GCDH: variants seen among roughly 807,000 people sequenced by gnomAD.
GCDH encodes glutaryl-CoA dehydrogenase, mitochondrial.
GCDH carries 31 observed loss-of-function variants against 52.8 expected under a neutral mutation model. The ratio of observed to expected loss-of-function variants is 0.59; its 90% CI spans 0.44 to 0.79. The LOEUF is 0.79. Ranked by LOEUF, GCDH falls within the 30% of genes least tolerant of loss-of-function variation. The probability of loss-of-function intolerance (pLI) is 0.00; values close to 1 mark genes in which losing one functional copy is unlikely to be tolerated. For synonymous variants in GCDH, 242 were observed against 250.0 expected (o/e 0.97, Z 0.30); for missense variants, 509 against 595.0 (o/e 0.86, Z 1.50).
At position 12,892,178 on chromosome 19, in the gene GCDH, G is replaced by A. The variant is rs758137643; in HGVS notation, c.334G>A (p.Gly112Arg). ...ELGVLGPTIKGYGCAGVSSVA... is the reference protein window; with the variant it reads ...ELGVLGPTIKRYGCAGVSSVA... Reference sequence around the variant, plus strand: ...GGGTGTGCTGGGCCCCACCATCAAAGGTAGGAACAAGTATCTCTCCACACA... The same window carrying A: ...GGGTGTGCTGGGCCCCACCATCAAAAGTAGGAACAAGTATCTCTCCACACA... The change falls in exon 5 of 12, where the codon GGA (glycine) becomes AGA (arginine). Residue 112 changes from glycine (G) to arginine (R), a missense_variant and splice_region_variant. Physicochemically the swap from Gly to Arg is moderately radical, Grantham distance 125 (BLOSUM62 -2). Coordinates refer to ENST00000222214, the MANE Select transcript of GCDH (RefSeq NM_000159.4). 1 of 1,613,416 alleles carries A rather than the reference G, an allele frequency of 6.2e-7. No homozygotes were observed. The highest frequency in any genetic ancestry group is 8.5e-7 in the Non-Finnish European group (1 of 1,179,376).
At chr19:12,892,321 T>A (rs1353551248) in intron 5 of GCDH, 143 bp downstream of exon 5, 9 of 796,840 alleles carry the variant, frequency 1.1e-5, no homozygotes, top group Non-Finnish European at 1.9e-5. Flanking sequence ...CAACAGAGTC[T>A]GGCTCTGTTG....
At chr19:12,894,391 A>G in intron 6 of GCDH, 1 of 756,390 alleles carries the variant, frequency 1.3e-6, no homozygotes, top group Non-Finnish European at 2.5e-6. Context: ...TTACAGACCA[A>G]GGAGAACTGG....
intron 11 of GCDH, chr19:12,898,423 A>AT (rs1443938449): frequency 1.3e-5 from 2 of 150,726 alleles, no homozygotes; most frequent in Non-Finnish European, 2.9e-5. Context: ...AGGTATGAGG[A>AT]CCCCCCGGGC....
chr19:12,895,933 T>C (rs1970664641), intron 6 of GCDH, 59 bp from the exon 7 acceptor site: 1 of 1,607,932 alleles, frequency 6.2e-7, no homozygotes, highest in Non-Finnish European at 8.5e-7. Context: ...AGGATAATTT[T>C]TGAGTAAGGG....
rs765083035 is a variant in GCDH at position 12,892,310 on chromosome 19, C to T, written c.334+132C>T. On this transcript the variant is annotated intron_variant, in intron 5 of 11. Coordinates refer to ENST00000222214, the MANE Select transcript of GCDH (RefSeq NM_000159.4). ...CTTTTCTTTCCTTTCTTCTTCCCCCCCAACAGAGTCTGGCTCTGTTGCCCA... is the reference window on the plus strand; with the variant it reads ...CTTTTCTTTCCTTTCTTCTTCCCCCTCAACAGAGTCTGGCTCTGTTGCCCA... 1.3e-5 allele frequency: 11 copies of T among 865,038 alleles called. No homozygotes were observed. In the East Asian group the frequency reaches 2.1e-4, roughly 17 times the overall value. The allele number at this position is 865,038 out of a possible 1,614,324, so 53.6% of individuals were successfully genotyped here.
At chr19:12,894,289 A>T (rs1449832179) in intron 6 of GCDH, 1 of 844,878 alleles carries the variant, frequency 1.2e-6, no homozygotes. Context: ...GGTCGGAATC[A>T]GTGGTGGGAA....
At position 12,896,235 on chromosome 19, in the gene GCDH, T is replaced by C. The variant is rs1970675528; in HGVS notation, c.666T>C (p.Phe222=). ...CGAACTCGCCTATGGCCGATCTGTTTGTAGTGTGGGCTCGGTGTGAAGATG... is the reference window on the plus strand; with the variant it reads ...CGAACTCGCCTATGGCCGATCTGTTCGTAGTGTGGGCTCGGTGTGAAGATG... ...WITNSPMADL[F]VVWARCEDGC... Residue 222 remains phenylalanine (F), a synonymous_variant, in exon 8 of 12, where the codon TTT becomes TTC. Coordinates refer to ENST00000222214, the MANE Select transcript of GCDH (RefSeq NM_000159.4). The surrounding 1 kb of genome is among the most constrained non-coding windows in gnomAD (Gnocchi z 5.5). 2 of 1,613,898 alleles carry C rather than the reference T, an allele frequency of 1.2e-6. No homozygotes were observed. The highest frequency in any genetic ancestry group is 2.2e-5 in the South Asian group (2 of 91,080).
At position 12,894,347 on chromosome 19, in the gene GCDH, G is replaced by C. The variant is rs145802714; in HGVS notation, c.505+694G>C. On this transcript the variant is annotated intron_variant, in intron 6 of 11. Coordinates refer to ENST00000222214, the MANE Select transcript of GCDH (RefSeq NM_000159.4). ...AAACAGGGTGTCTTGACCCATGGCCGTGTCCACTTGCTACTGAGTAAGGGG... is the reference window on the plus strand; with the variant it reads ...AAACAGGGTGTCTTGACCCATGGCCCTGTCCACTTGCTACTGAGTAAGGGG... 37 of 767,608 alleles carry C rather than the reference G, an allele frequency of 4.8e-5. No individual in the cohort carries two copies. The African/African-American group carries it at 5.6e-4, about 12-fold the overall frequency. 47.5% of individuals were successfully genotyped at this position (767,608 alleles called of 1,614,324 possible).
intron 10 of GCDH, 134 bp downstream of exon 10, chr19:12,897,562 T>C (rs1324493450): frequency 3.5e-6 from 5 of 1,430,214 alleles, no homozygotes; most frequent in African/African-American, 2.8e-5. Flanking sequence ...TTGTCCTTGA[T>C]GGGCTGGGCT....
At position 12,897,122 on chromosome 19, in the gene GCDH, G is replaced by A. The variant is rs566897284; in HGVS notation, c.956+109G>A. The A allele has an allele frequency of 2.3e-5, 27 of 1,190,742 alleles. No homozygotes were observed. The South Asian group carries it at 3.4e-4, about 15-fold the overall frequency. The allele number at this position is 1,190,742 out of a possible 1,614,324, so 73.8% of individuals were successfully genotyped here. A position where few individuals can be genotyped will look rare whatever the true frequency, so the allele number is the denominator to read the frequency against. On this transcript the variant is annotated intron_variant, in intron 9 of 11. Transcript: ENST00000222214. ...CCCACCCACCAGGCCTGAGTTCCTT[G>A]CTCTGGAATGACCAGTGACGTCCTT...
chr19:12,897,455 G>A, intron 10 of GCDH, 27 bp downstream of exon 10: 2 of 1,610,668 alleles, frequency 1.2e-6, no homozygotes, highest in Non-Finnish European at 1.7e-6. Flanking sequence ...GGGGGCGGGG[G>A]GATGGCAGCG....
intron 6 of GCDH, chr19:12,893,873 T>A: frequency 1.6e-6 from 1 of 629,532 alleles, no homozygotes; most frequent in Admixed American, 2.4e-5. Context: ...ATGCTTTCTG[T>A]GTTCCCCAGT....
intron 11 of GCDH, chr19:12,899,250 C>A: frequency 8.3e-7 from 1 of 1,203,362 alleles, no homozygotes; most frequent in Non-Finnish European, 1.2e-6. Flanking sequence ...ATTATAGAAC[C>A]ATGAAAAACA....
chr19:12,892,949 G>C (rs984395271), intron 5 of GCDH, among the ~76,000 whole-genome samples: 1 of 149,190 alleles, frequency 6.7e-6, no homozygotes, highest in Non-Finnish European at 1.5e-5. Flanking sequence ...ACAGTGGTGC[G>C]ATCCTGGCTC....
intron 11 of GCDH, chr19:12,898,849 C>T (rs2145957558): frequency 1.1e-5 from 2 of 176,756 alleles, no homozygotes. Context: ...AGGCTACAAT[C>T]TGCCTTCTGC....
At chr19:12,892,862 C>T (rs537105130) in intron 5 of GCDH, among the ~76,000 whole-genome samples, 13 of 150,530 alleles carry the variant, frequency 8.6e-5, no homozygotes, top group African/African-American at 3.2e-4. Context: ...TGTGAGCCAC[C>T]GTTGCCCGGC....
In GCDH at chr19:12,892,171, CATCA is replaced by C. The variant is rs1555749434; in HGVS notation, c.329_332del (p.Ile110LysfsTer31). On this transcript the variant is annotated frameshift_variant, in exon 5 of 12. Transcript: ENST00000222214. LOFTEE classifies it high-confidence loss of function. ...GGGAGTTGGGTGTGCTGGGCCCCAC[CATCA>C]AAGGTAGGAACAAGTATCTCTCCAC... 1.2e-6 allele frequency: 2 copies of C among 1,613,828 alleles called. No individual in the cohort carries two copies. Among genetic ancestry groups the C allele is most frequent in the Admixed American group, 3.3e-5 (2 of 60,014 alleles).
intron 11 of GCDH, chr19:12,899,215 T>C (rs1461277148): frequency 4.6e-6 from 4 of 865,546 alleles, no homozygotes; most frequent in African/African-American, 3.4e-5. Flanking sequence ...GAGCTTTGGG[T>C]TTTTGTTTTT....
In GCDH at chr19:12,896,029, G is replaced by A. The variant is rs1344337817; in HGVS notation, c.543G>A (p.Glu181=). 4 of 1,614,006 alleles carry A rather than the reference G, an allele frequency of 2.5e-6. No individual in the cohort carries two copies. Among genetic ancestry groups the A allele is most frequent in the Non-Finnish European group, 3.4e-6 (4 of 1,180,010 alleles). Reference sequence around the variant, plus strand: ...TCCTGGGCTGCTTCGGGCTCACAGAGCCCAACAGCGGAAGTGACCCCAGCA... The same window carrying A: ...TCCTGGGCTGCTTCGGGCTCACAGAACCCAACAGCGGAAGTGACCCCAGCA... ...GELLGCFGLT[E]PNSGSDPSSM... The change falls in exon 7 of 12, where the codon GAG becomes GAA. Residue 181 remains glutamate (E), a synonymous_variant. Transcript: ENST00000222214. The surrounding 1 kb of genome is among the most constrained non-coding windows in gnomAD (Gnocchi z 5.5).
Sources: allele counts gnomAD v4.1 joint callset (sites outside exome capture counted in the v4.1 genomes callset), GRCh38; gene constraint gnomAD v4.1.1; non-coding constraint Gnocchi (gnomAD v3.1); transcripts MANE v1.5; gene names NCBI Gene and HGNC (gene_info 2026-07-23, HGNC 2026-07-21).